STX17: variants seen among roughly 807,000 people sequenced by gnomAD.
The protein encoded by STX17 is syntaxin 17, also known as syntaxin-17.
In STX17, 29 loss-of-function variants were observed where a neutral mutation model predicts 35.9. The observed-to-expected ratio is 0.81, with a 90% CI of 0.60 to 1.10. The LOEUF is 1.10. Ranked by LOEUF, STX17 falls within the 50% of genes least tolerant of loss-of-function variation. STX17 has a pLI of 0.00. For synonymous variants in STX17, 92 were observed against 118.3 expected (o/e 0.78, Z 1.44); for missense variants, 312 against 352.3 (o/e 0.89, Z 0.92).
At chr9:99,914,521 A>G (rs1363820371) in intron 1 of STX17, among the ~76,000 whole-genome samples, 1 of 152,190 alleles carries the variant, frequency 6.6e-6, no homozygotes, top group Non-Finnish European at 1.5e-5. Flanking sequence ...ATTTCAATGT[A>G]ATTTCAGAAA....
In STX17 at chr9:99,968,768, C is replaced by G. The variant is rs1382901447; in HGVS notation, c.*95C>G. On this transcript the variant is annotated 3_prime_UTR_variant, in exon 8 of 8. Coordinates refer to ENST00000259400, the MANE Select transcript of STX17 (RefSeq NM_017919.3). Reference sequence around the variant, plus strand: ...GTCACCTTTTGGAACACAAGTATATCAAGATAGTGGCTACTGATGTTCAAG... The same window carrying G: ...GTCACCTTTTGGAACACAAGTATATGAAGATAGTGGCTACTGATGTTCAAG... 1 of 1,514,070 alleles carries G rather than the reference C, an allele frequency of 6.6e-7. No homozygotes were observed. Among genetic ancestry groups the G allele is most frequent in the African/African-American group, 1.4e-5 (1 of 71,972 alleles). The allele number at this position is 1,514,070 out of a possible 1,614,324, so 93.8% of individuals were successfully genotyped here.
At chr9:99,962,382 G>A (rs757630376) in intron 6 of STX17, among the ~76,000 whole-genome samples, 2 of 152,140 alleles carry the variant, frequency 1.3e-5, no homozygotes, top group Non-Finnish European at 2.9e-5. Flanking sequence ...TTCAACTATT[G>A]TAAACTAATA....
chr9:99,942,789 T>C (rs555209700), intron 3 of STX17, among the ~76,000 whole-genome samples: 51 of 152,286 alleles, frequency 3.3e-4, no homozygotes, highest in South Asian at 1.4e-3. Flanking sequence ...TTTGAAAACT[T>C]CATTTTTTTT....
chr9:99,928,704 G>A (rs1829040676), intron 2 of STX17, 74 bp from the exon 3 acceptor site: 2 of 1,335,286 alleles, frequency 1.5e-6, no homozygotes, highest in Admixed American at 1.7e-5. Context: ...TGGGTGAGTG[G>A]GGATTTTTGT....
chr9:99,925,662 TTCCAAGATGTTG>T (rs1375845134), intron 2 of STX17, among the ~76,000 whole-genome samples: 2 of 152,160 alleles, frequency 1.3e-5, no homozygotes, highest in African/African-American at 4.8e-5. Context: ...TTTCGAATAC[TTCCAAGATGTTG>T]TCCCACTGTC....
chr9:99,957,650 G>GT (rs1564073453), intron 4 of STX17, among the ~76,000 whole-genome samples: 5 of 122,232 alleles, frequency 4.1e-5, no homozygotes, highest in African/African-American at 1.3e-4. Flanking sequence ...TTATGTTATT[G>GT]TTTTTGTTTT....
chr9:99,935,343 A>G (rs942884330), intron 3 of STX17, among the ~76,000 whole-genome samples: 8 of 151,956 alleles, frequency 5.3e-5, no homozygotes, highest in African/African-American at 1.9e-4. Context: ...AAAAAAAAAA[A>G]AAAAAGAAAA....
chr9:99,955,688 G>A lies in STX17; in HGVS notation c.416-4229G>A, dbSNP rs75947093. On this transcript the variant is annotated intron_variant, in intron 4 of 7. Coordinates refer to ENST00000259400, the MANE Select transcript of STX17 (RefSeq NM_017919.3). Reference sequence around the variant, plus strand: ...AAAGGGAAAAGTCTTAGGTTATTTCGTTTATTTCTCACTTCAACTAAACCA... The same window carrying A: ...AAAGGGAAAAGTCTTAGGTTATTTCATTTATTTCTCACTTCAACTAAACCA... Among the ~76,000 whole-genome samples the A allele has an allele frequency of 8.5e-5, 13 of 152,050 alleles. No homozygotes were observed. In the East Asian group the frequency reaches 1.9e-3, roughly 23 times the overall value.
At chr9:99,960,648 TGGTCA>T (rs1829811756) in intron 6 of STX17, among the ~76,000 whole-genome samples, 2 of 152,114 alleles carry the variant, frequency 1.3e-5, no homozygotes, top group African/African-American at 4.8e-5. Context: ...TTCACCATGT[TGGTCA>T]GGCTGGTCTC....
intron 4 of STX17, 83 bp from the exon 5 acceptor site, chr9:99,959,833 AT>A: frequency 2.0e-6 from 2 of 991,206 alleles, no homozygotes; most frequent in Non-Finnish European, 3.1e-6. Flanking sequence ...TTAACGTGGC[AT>A]TTGTTTTATG....
chr9:99,909,773 A>G (rs1454260286), intron 1 of STX17, among the ~76,000 whole-genome samples: 2 of 152,208 alleles, frequency 1.3e-5, no homozygotes, highest in African/African-American at 2.4e-5. Flanking sequence ...CTAAAAGAGT[A>G]TAACTGGATT....
chr9:99,910,848 C>T (rs1271512674), intron 1 of STX17, among the ~76,000 whole-genome samples: 1 of 152,156 alleles, frequency 6.6e-6, no homozygotes, highest in East Asian at 1.9e-4. Context: ...TCCCATCACT[C>T]TACTCTCTAC....
rs199793363 is a variant in STX17, at chr9:99,915,270, C to T, written c.31C>T (p.Arg11Cys). 56 of 1,611,086 alleles carry T rather than the reference C, an allele frequency of 3.5e-5. No homozygotes were observed. Among genetic ancestry groups the T allele is most frequent in the East Asian group, 1.3e-4 (6 of 44,638 alleles). The change falls in exon 2 of 8, where the codon CGC becomes TGC. Residue 11 changes from arginine (R) to cysteine (C), a missense_variant. Transcript: ENST00000259400. ...TGAAGATGAAGAAAAAGTGAAATTA[C>T]GCCGTCTTGAACCAGCTATCCAGAA... MSEDEEKVKL[R>C]RLEPAIQKFI...
rs895347696 is a variant in STX17, at chr9:99,960,010, A to G, written c.509A>G (p.Glu170Gly). The change falls in exon 5 of 8, where the codon GAA (glutamate) becomes GGA (glycine). Residue 170 changes from glutamate to glycine, a missense_variant. Glu to Gly is a moderately conservative substitution (Grantham distance 98). Transcript: ENST00000259400. ...ATTCCTCAAGATCAAAATGCTGCAGAATCGTGGGAAACCTTAGAAGCGGTA... is the reference window on the plus strand; with the variant it reads ...ATTCCTCAAGATCAAAATGCTGCAGGATCGTGGGAAACCTTAGAAGCGGTA... ...PEIPQDQNAA[E>G]SWETLEADLI... 11 of 1,614,054 alleles carry G rather than the reference A, an allele frequency of 6.8e-6. No individual in the cohort carries two copies. The highest frequency in any genetic ancestry group is 9.3e-6 in the Non-Finnish European group (11 of 1,179,990).
At chr9:99,927,746 G>A (rs1829019151) in intron 2 of STX17, among the ~76,000 whole-genome samples, 1 of 152,122 alleles carries the variant, frequency 6.6e-6, no homozygotes, top group Admixed American at 6.5e-5. Flanking sequence ...CAAAGTGCTG[G>A]GATTATGGGC....
intron 1 of STX17, among the ~76,000 whole-genome samples, chr9:99,912,076 A>G (rs1239660900): frequency 2.6e-5 from 4 of 152,202 alleles, no homozygotes; most frequent in Admixed American, 2.0e-4. Flanking sequence ...AAAACAAAAA[A>G]TTAGCTGGGC....
chr9:99,953,291 C>G (rs1177017847), intron 4 of STX17, among the ~76,000 whole-genome samples: 2 of 151,998 alleles, frequency 1.3e-5, no homozygotes, highest in African/African-American at 4.8e-5. Context: ...CAATGCTTGG[C>G]ACATAATGGA....
intron 3 of STX17, among the ~76,000 whole-genome samples, chr9:99,936,946 C>G (rs1218871359): frequency 6.6e-6 from 1 of 152,058 alleles, no homozygotes; most frequent in Non-Finnish European, 1.5e-5. Context: ...TTTAACATTT[C>G]TGGGAGTGTG....
intron 3 of STX17, among the ~76,000 whole-genome samples, chr9:99,950,619 C>G (rs1407096932): frequency 6.6e-6 from 1 of 151,500 alleles, no homozygotes; most frequent in Non-Finnish European, 1.5e-5. Flanking sequence ...TATGGAATGG[C>G]AAATTATAGA....
Sources: gnomAD v4.1 joint callset for allele counts (sites outside exome capture counted in the v4.1 genomes callset) on GRCh38, gnomAD v4.1.1 for gene constraint, MANE v1.5 for transcripts, NCBI Gene and HGNC (gene_info 2026-07-23, HGNC 2026-07-21) for gene names.